Variants in SUGCT observed in about 807,000 individuals in gnomAD.
SUGCT encodes succinyl-CoA:glutarate CoA-transferase.
SUGCT carries 41 observed loss-of-function variants against 55.0 expected under a neutral mutation model. That is an observed-to-expected ratio of 0.74 (90% CI 0.58 to 0.97). The LOEUF (loss-of-function observed/expected upper bound fraction) is 0.97, where lower values mean the gene tolerates loss of function less well. Among genes scored for constraint, SUGCT ranks in the 50% least tolerant of loss-of-function variants. The probability of loss-of-function intolerance (pLI) is 0.00; values close to 1 mark genes in which losing one functional copy is unlikely to be tolerated. For missense variants in SUGCT, 568 were observed against 547.8 expected (o/e 1.04, Z -0.37); for synonymous variants, 187 against 200.4 (o/e 0.93, Z 0.56).
At chr7:40,589,438 A>G (rs1363073627) in intron 12 of SUGCT, among the ~76,000 whole-genome samples, 1 of 152,102 alleles carries the variant, frequency 6.6e-6, no homozygotes, top group Non-Finnish European at 1.5e-5. Flanking sequence ...GCTCCCTGCC[A>G]TTCTAGAGGG....
At chr7:40,456,974 A>G (rs1789523228) in intron 10 of SUGCT, among the ~76,000 whole-genome samples, 1 of 152,158 alleles carries the variant, frequency 6.6e-6, no homozygotes, top group Admixed American at 6.6e-5. Context: ...AGGCATGTTA[A>G]AACACTTGCA....
chr7:40,646,746 CTCTG>C (rs10589237), intron 12 of SUGCT, among the ~76,000 whole-genome samples: 6,359 of 152,236 alleles, frequency 0.042, 426 homozygotes, highest in African/African-American at 0.14. Context: ...TCCTCTTGTT[CTCTG>C]TCTTTGTACC....
intron 1 of SUGCT, 85 bp from the exon 2 acceptor site, chr7:40,180,862 T>C: frequency 9.9e-7 from 1 of 1,011,616 alleles, no homozygotes. Flanking sequence ...GTCCTTGTGA[T>C]CTGTCTCAAG....
At chr7:40,905,623 GA>G in the SUGCT span, among the ~76,000 whole-genome samples, 2 of 151,438 alleles carry the variant, frequency 1.3e-5, no homozygotes, top group African/African-American at 4.9e-5. Flanking sequence ...TCAGGGTCTA[GA>G]ACATTTCCTG....
At chr7:40,893,231 C>T in the SUGCT span, among the ~76,000 whole-genome samples, 1 of 152,070 alleles carries the variant, frequency 6.6e-6, no homozygotes, top group Non-Finnish European at 1.5e-5. Context: ...CAGTAGGGGA[C>T]TTCAATACCC....
intron 6 of SUGCT, among the ~76,000 whole-genome samples, chr7:40,215,703 A>G (rs975170707): frequency 6.6e-6 from 1 of 152,066 alleles, no homozygotes; most frequent in Non-Finnish European, 1.5e-5. Context: ...GCTACTAAAA[A>G]TACAAAAAAT....
chr7:40,469,050 C>A (rs1344052710), intron 11 of SUGCT, among the ~76,000 whole-genome samples: 2 of 152,126 alleles, frequency 1.3e-5, no homozygotes, highest in Non-Finnish European at 2.9e-5. Context: ...GGCAACCATC[C>A]ACTCTCCCAT....
At chr7:40,982,134 G>A in the SUGCT span, among the ~76,000 whole-genome samples, 4 of 131,284 alleles carry the variant, frequency 3.0e-5, no homozygotes, top group Admixed American at 1.8e-4. Context: ...CCTTTTCAAC[G>A]TATATAAAGC....
At chr7:40,433,129 T>C (rs1787991325) in intron 9 of SUGCT, among the ~76,000 whole-genome samples, 1 of 152,174 alleles carries the variant, frequency 6.6e-6, no homozygotes, top group African/African-American at 2.4e-5. Context: ...GATTGTTTTC[T>C]TCAGGTCCAA....
chr7:40,424,095 G>A (rs902246655), intron 9 of SUGCT, among the ~76,000 whole-genome samples: 2 of 152,038 alleles, frequency 1.3e-5, no homozygotes, highest in African/African-American at 4.8e-5. Flanking sequence ...ACATTTTAAG[G>A]CATACTCTGC....
At chr7:40,339,253 A>T (rs1269336977) in intron 9 of SUGCT, among the ~76,000 whole-genome samples, 2 of 152,132 alleles carry the variant, frequency 1.3e-5, no homozygotes, top group Admixed American at 1.3e-4. Flanking sequence ...GTGTTGGGAG[A>T]ACCACTGTTC....
rs187480986 is a variant in SUGCT at position 40,694,668 on chromosome 7, C to A, written c.1090-54766C>A. Among the ~76,000 whole-genome samples, 125 of 152,290 alleles carry A rather than the reference C, an allele frequency of 8.2e-4. No individual in the cohort carries two copies. The South Asian group carries it at 0.011, about 13-fold the overall frequency. On this transcript the variant is annotated intron_variant, in intron 12 of 13. Transcript: ENST00000335693. ...TGTTCTTGCTGGTTGCTAAATAGAGCCTTGCCCCTGGTTAAGTCAATGAGA... is the reference window on the plus strand; with the variant it reads ...TGTTCTTGCTGGTTGCTAAATAGAGACTTGCCCCTGGTTAAGTCAATGAGA...
intron 12 of SUGCT, among the ~76,000 whole-genome samples, chr7:40,684,632 A>T (rs1429528615): frequency 6.6e-6 from 1 of 152,164 alleles, no homozygotes; most frequent in Non-Finnish European, 1.5e-5. Context: ...TGAATTTTAG[A>T]CATTTATTCT....
At chr7:40,377,174 CTTTCTTTCTTTCTTTCTTTCTTTCT>C in intron 9 of SUGCT, among the ~76,000 whole-genome samples, 1 of 15,482 alleles carries the variant, frequency 6.5e-5, no homozygotes, top group African/African-American at 1.0e-4. Flanking sequence ...TTCTTTCTTT[CTTTCTTTCTTTCTTTCTTTCTTTCT>C]TTTCTTTTCT....
chr7:40,694,679 G>A (rs1784846099), intron 12 of SUGCT, among the ~76,000 whole-genome samples: 1 of 152,066 alleles, frequency 6.6e-6, no homozygotes, highest in African/African-American at 2.4e-5. Flanking sequence ...CTTGCCCCTG[G>A]TTAAGTCAAT....
chr7:40,326,853 C>G (rs968052050), intron 9 of SUGCT, among the ~76,000 whole-genome samples: 3 of 152,170 alleles, frequency 2.0e-5, no homozygotes, highest in Non-Finnish European at 2.9e-5. Flanking sequence ...AAAATATATA[C>G]TCACCTTTGT....
intron 9 of SUGCT, among the ~76,000 whole-genome samples, chr7:40,407,510 A>G (rs1786438024): frequency 6.6e-6 from 1 of 152,126 alleles, no homozygotes. Context: ...GTCCTCTTTA[A>G]GTCTTAAGAA....
intron 12 of SUGCT, among the ~76,000 whole-genome samples, chr7:40,739,857 CTT>C (rs1471883621): frequency 6.6e-6 from 1 of 152,048 alleles, no homozygotes; most frequent in African/African-American, 2.4e-5. Context: ...GTAATTATCT[CTT>C]TATTATTTTT....
the SUGCT span, among the ~76,000 whole-genome samples, chr7:40,952,528 G>T: frequency 6.6e-6 from 1 of 152,172 alleles, no homozygotes; most frequent in Admixed American, 6.5e-5. Context: ...CTCATTAGTT[G>T]ATTCAGTTTC....
Sources: gnomAD v4.1 joint callset for allele counts (sites outside exome capture counted in the v4.1 genomes callset) on GRCh38, gnomAD v4.1.1 for gene constraint, MANE v1.5 for transcripts, NCBI Gene and HGNC (gene_info 2026-07-23, HGNC 2026-07-21) for gene names.